RARB: variants seen among roughly 807,000 people sequenced by gnomAD.
The protein encoded by RARB is HBV-activated protein.
Under a neutral mutation model 51.9 loss-of-function variants are expected in RARB, and 17 were observed. That is an observed-to-expected ratio of 0.33 (90% CI 0.22 to 0.49). The LOEUF (loss-of-function observed/expected upper bound fraction) is 0.49. RARB is among the 20% of genes least tolerant of loss of function. The probability of loss-of-function intolerance (pLI) is 0.99; values close to 1 mark genes in which losing one functional copy is unlikely to be tolerated. For synonymous variants in RARB, 215 were observed against 195.4 expected (o/e 1.10, Z -0.84); for missense variants, 369 against 550.8 (o/e 0.67, Z 3.30).
At chr3:25,475,401 AG>A (rs149926340) in intron 2 of RARB, among the ~76,000 whole-genome samples, 1,523 of 151,290 alleles carry the variant, frequency 0.01, 29 homozygotes, top group African/African-American at 0.035. Context: ...CAAATAACAA[AG>A]GGGGGGGGAT....
At chr3:24,889,675 AGT>A (rs71057686) in intron 2 of RARB, among the ~76,000 whole-genome samples, 5,269 of 142,856 alleles carry the variant, frequency 0.037, 98 homozygotes, top group African/African-American at 0.059. Context: ...CACCTCTTAA[AGT>A]GTGTGTGTGT....
chr3:25,454,865 G>C (rs1359540779), intron 1 of RARB, among the ~76,000 whole-genome samples: 3 of 152,184 alleles, frequency 2.0e-5, no homozygotes, highest in Admixed American at 2.0e-4. Context: ...TGTTTTCTCA[G>C]GTGAGTTAAA....
intron 5 of RARB, among the ~76,000 whole-genome samples, chr3:25,270,394 T>C (rs910324346): frequency 6.6e-6 from 1 of 152,192 alleles, no homozygotes; most frequent in Non-Finnish European, 1.5e-5. Context: ...ACAAATAGTA[T>C]GTAATTCCAC....
intron 5 of RARB, among the ~76,000 whole-genome samples, chr3:25,219,924 G>A (rs997308756): frequency 3.9e-5 from 6 of 152,110 alleles, no homozygotes; most frequent in Non-Finnish European, 7.3e-5. Context: ...TGCATAATGT[G>A]GCACACATAC....
intron 2 of RARB, among the ~76,000 whole-genome samples, chr3:25,474,889 A>T (rs540567302): frequency 2.8e-4 from 42 of 152,304 alleles, no homozygotes; most frequent in Middle Eastern, 3.4e-3. Context: ...TTTGGTGCTA[A>T]TTCTTGCCTG....
intron 2 of RARB, among the ~76,000 whole-genome samples, chr3:25,498,108 C>T (rs1353505872): frequency 1.3e-5 from 2 of 152,174 alleles, no homozygotes; most frequent in Admixed American, 1.3e-4. Flanking sequence ...TCTCTTATTT[C>T]ATGAGTACCT....
At chr3:24,831,421 G>GACGC (rs1177699705) in intron 1 of RARB, among the ~76,000 whole-genome samples, 1 of 152,172 alleles carries the variant, frequency 6.6e-6, no homozygotes, top group Non-Finnish European at 1.5e-5. Context: ...GCACATCTGA[G>GACGC]ACGCCATCAG....
chr3:24,965,285 A>C (rs1192272975), intron 2 of RARB, among the ~76,000 whole-genome samples: 1 of 152,152 alleles, frequency 6.6e-6, no homozygotes, highest in Non-Finnish European at 1.5e-5. Context: ...GGAATTTCCA[A>C]ATCCTGGAAT....
At chr3:25,173,508 C>G (rs1004654657) in intron 4 of RARB, among the ~76,000 whole-genome samples, 1 of 152,298 alleles carries the variant, frequency 6.6e-6, no homozygotes, top group South Asian at 2.1e-4. Flanking sequence ...CTATCTCTCT[C>G]ATTAGGTTAT....
Position 24,989,774 on chromosome 3 carries a change from C to CTTTTTTTTT in RARB, c.-379-70323_-379-70315dup, listed in dbSNP as rs769275874. ...ATTTTAACTGTTGTCATATGTTTTT[C>CTTTTTTTTT]TTTTTTTTTTTTTTTTTTTTTTTTT... is the stretch of plus-strand genomic sequence containing the variant. On this transcript the variant is annotated intron_variant, in intron 2 of 11. Coordinates refer to the RARB transcript ENST00000383772. Among the ~76,000 whole-genome samples the CTTTTTTTTT allele has an allele frequency of 1.2e-3, 36 of 29,526 alleles. 10 individuals are homozygous for CTTTTTTTTT. The highest frequency in any genetic ancestry group is 1.6e-3 in the Non-Finnish European group (26 of 16,224). The allele number at this position is 29,526 out of a possible 152,430, so 19.4% of individuals were successfully genotyped here.
chr3:24,882,954 A>G (rs1339991856), intron 2 of RARB, among the ~76,000 whole-genome samples: 2 of 152,074 alleles, frequency 1.3e-5, no homozygotes, highest in East Asian at 3.9e-4. Flanking sequence ...TTCCTTATTT[A>G]TTCTCTTCTG....
chr3:24,839,722 G>A (rs796243761), intron 1 of RARB, among the ~76,000 whole-genome samples: 3,858 of 25,332 alleles, frequency 0.15, 115 homozygotes, highest in African/African-American at 0.22. Flanking sequence ...AAAAAAAAGG[G>A]GGGGGGGGTG....
At chr3:25,180,371 T>C (rs1054002352) in intron 5 of RARB, among the ~76,000 whole-genome samples, 6 of 152,204 alleles carry the variant, frequency 3.9e-5, no homozygotes, top group Non-Finnish European at 8.8e-5. Flanking sequence ...AAAATTGAAC[T>C]TTGGAAAAGT....
chr3:25,373,413 T>C (rs1032924062), intron 5 of RARB, among the ~76,000 whole-genome samples: 19 of 151,984 alleles, frequency 1.3e-4, no homozygotes, highest in African/African-American at 4.4e-4. Flanking sequence ...AGAAAAGCAG[T>C]GAGGAACATG....
chr3:24,964,694 A>G (rs1227013440), intron 2 of RARB, among the ~76,000 whole-genome samples: 2 of 152,160 alleles, frequency 1.3e-5, no homozygotes, highest in African/African-American at 4.8e-5. Flanking sequence ...CCATTGACTA[A>G]TCTGATGATT....
chr3:25,222,790 A>G (rs1054337912), intron 5 of RARB, among the ~76,000 whole-genome samples: 3 of 152,174 alleles, frequency 2.0e-5, no homozygotes, highest in African/African-American at 7.2e-5. Context: ...AACATTCTTC[A>G]TAGTGATTTT....
chr3:25,423,083 G>A (rs899599102), intron 5 of RARB, among the ~76,000 whole-genome samples: 1 of 152,170 alleles, frequency 6.6e-6, no homozygotes, highest in East Asian at 1.9e-4. Flanking sequence ...ATTTCCAGTG[G>A]CCCCGTACAG....
intron 2 of RARB, among the ~76,000 whole-genome samples, chr3:25,478,735 T>C (rs1023903231): frequency 6.6e-6 from 1 of 152,238 alleles, no homozygotes; most frequent in African/African-American, 2.4e-5. Context: ...GCCAGCTTTA[T>C]GGAAACAGAC....
At chr3:25,421,190 T>C (rs973282193) in intron 5 of RARB, among the ~76,000 whole-genome samples, 1 of 151,830 alleles carries the variant, frequency 6.6e-6, no homozygotes. Context: ...CTTAACTAGG[T>C]ATATGCAGCA....
Sources: gnomAD v4.1 joint callset for allele counts (sites outside exome capture counted in the v4.1 genomes callset) on GRCh38, gnomAD v4.1.1 for gene constraint, MANE v1.5 for transcripts, NCBI Gene and HGNC (gene_info 2026-07-23, HGNC 2026-07-21) for gene names.